Variants in TOP2B observed in about 807,000 individuals in gnomAD.
The protein encoded by TOP2B is DNA topoisomerase 2-beta.
TOP2B carries 51 observed loss-of-function variants against 193.5 expected under a neutral mutation model. That is an observed-to-expected ratio of 0.26 (90% CI 0.21 to 0.33). TOP2B has a LOEUF of 0.33. Among genes scored for constraint, TOP2B ranks in the 10% least tolerant of loss-of-function variants. The pLI, the probability that TOP2B is intolerant of heterozygous loss-of-function variation, is 1.00. For synonymous variants in TOP2B, 634 were observed against 635.7 expected (o/e 1.00, Z 0.04); for missense variants, 1,378 against 1,909.3 (o/e 0.72, Z 5.19).
At chr3:25,622,584 G>A (rs1402849621) in intron 21 of TOP2B, among the ~76,000 whole-genome samples, 1 of 150,842 alleles carries the variant, frequency 6.6e-6, no homozygotes, top group African/African-American at 2.4e-5. Context: ...TCTTGGAGGA[G>A]GTCTGAGCAG....
chr3:25,611,164 T>C (rs780870157), intron 28 of TOP2B, among the ~76,000 whole-genome samples: 5 of 152,106 alleles, frequency 3.3e-5, no homozygotes, highest in Admixed American at 6.5e-5. Context: ...TCAGTATGAA[T>C]GGAATAAGCT....
chr3:25,620,327 G>T (rs553641577), intron 22 of TOP2B, among the ~76,000 whole-genome samples: 255 of 151,800 alleles, frequency 1.7e-3, no homozygotes, highest in African/African-American at 5.8e-3. Context: ...ACATCAACTG[G>T]AACTGTCAAG....
intron 13 of TOP2B, among the ~76,000 whole-genome samples, 197 bp from the exon 14 acceptor site, chr3:25,629,342 G>A (rs1702893601): frequency 6.6e-6 from 1 of 151,978 alleles, no homozygotes; most frequent in Non-Finnish European, 1.5e-5. Context: ...GACTGAATCT[G>A]TCATTATAAA....
rs1057104831 is a variant in TOP2B, at chr3:25,632,803, A to G, written c.1027-9T>C. On this transcript the variant is annotated splice_polypyrimidine_tract_variant and intron_variant, in intron 8 of 35. Coordinates refer to ENST00000264331, the MANE Select transcript of TOP2B (RefSeq NM_001330700.2). ...TCCACGTGCCGTCCACCCTAAAGAA[A>G]AAAAAATATATGAAATCTGAAATCC... 6.2e-7 allele frequency: 1 copy of G among 1,604,404 alleles called. No homozygotes were observed. Among genetic ancestry groups the G allele is most frequent in the Non-Finnish European group, 8.5e-7 (1 of 1,173,576 alleles).
At chr3:25,645,926 A>ATTTTTT (rs756446533) in intron 1 of TOP2B, among the ~76,000 whole-genome samples, 3 of 140,502 alleles carry the variant, frequency 2.1e-5, no homozygotes, top group Non-Finnish European at 1.5e-5. Context: ...TGCCCAGGTA[A>ATTTTTT]TTTTTTTTTT....
At chr3:25,604,078 G>A (rs532044227) in intron 33 of TOP2B, among the ~76,000 whole-genome samples, 30 of 152,286 alleles carry the variant, frequency 2.0e-4, no homozygotes, top group Middle Eastern at 6.8e-3. Flanking sequence ...CAAAATTGTT[G>A]TTCTGCTACA....
At chr3:25,646,340 T>C (rs1284262528) in intron 1 of TOP2B, among the ~76,000 whole-genome samples, 1 of 152,198 alleles carries the variant, frequency 6.6e-6, no homozygotes, top group Non-Finnish European at 1.5e-5. Flanking sequence ...CAATAATTCC[T>C]CACATATCAG....
intron 25 of TOP2B, among the ~76,000 whole-genome samples, chr3:25,617,548 T>C (rs942045547): frequency 2.6e-5 from 4 of 152,200 alleles, no homozygotes; most frequent in Admixed American, 1.3e-4. Flanking sequence ...AAAAACATTA[T>C]GATTGAGAAC....
Position 25,618,328 on chromosome 3 carries a change from C to A in TOP2B, c.3351+90G>T, listed in dbSNP as rs1160780178. 6 of 899,842 alleles carry A rather than the reference C, an allele frequency of 6.7e-6. No individual in the cohort carries two copies. In the African/African-American group the frequency reaches 6.7e-5, roughly 10 times the overall value. The allele number at this position is 899,842 out of a possible 1,614,324, so 55.7% of individuals were successfully genotyped here. A position where few individuals can be genotyped will look rare whatever the true frequency, so the allele number is the denominator to read the frequency against. On this transcript the variant is annotated intron_variant, in intron 25 of 35. Transcript: ENST00000264331. The stretch of plus-strand genomic sequence containing the variant: ...AGACAACTCAGCACCTTTAGTAGTA[C>A]TAAATTTAAAATTTAGGGGTTGAAT...
intron 1 of TOP2B, among the ~76,000 whole-genome samples, chr3:25,659,483 C>T (rs540342683): frequency 4.7e-4 from 72 of 152,142 alleles, no homozygotes; most frequent in Non-Finnish European, 9.6e-4. Context: ...CCAAGCACTA[C>T]GATAATCTTA....
intron 28 of TOP2B, 99 bp downstream of exon 28, chr3:25,612,415 AT>A: frequency 1.1e-6 from 1 of 883,102 alleles, no homozygotes; most frequent in Non-Finnish European, 1.6e-6. Context: ...TATATTTTGA[AT>A]AAAACAAAGC....
intron 35 of TOP2B, among the ~76,000 whole-genome samples, chr3:25,598,928 G>T (rs116406083): frequency 0.013 from 2,023 of 152,182 alleles, 49 homozygotes; most frequent in African/African-American, 0.044. Context: ...CATAGAAGAT[G>T]ACTGAATGGA....
chr3:25,650,968 T>C (rs1575586591), intron 1 of TOP2B, among the ~76,000 whole-genome samples: 1 of 152,248 alleles, frequency 6.6e-6, no homozygotes, highest in Non-Finnish European at 1.5e-5. Flanking sequence ...TTCCAAATGA[T>C]GTCTTATCCT....
rs760423678 is a variant in TOP2B at position 25,627,219 on chromosome 3, C to T, written c.1984G>A (p.Ala662Thr). ...ATGGCAGCATCATCTTCAGGACCAG[C>T]ATATCTAAACAAGATGCGATGCCTT... ...MERHRILFRY[A>T]GPEDDAAITL... The change falls in exon 16 of 36, where the codon GCT (alanine) becomes ACT (threonine). Residue 662 changes from alanine to threonine, a missense_variant. Physicochemically the swap from Ala to Thr is moderately conservative, Grantham distance 58. This residue lies in a region of TOP2B where 379 missense variants were observed against 615.1 expected (regional missense o/e 0.62). Transcript: ENST00000264331. The T allele has an allele frequency of 1.9e-6, 3 of 1,608,598 alleles. No homozygotes were observed. Among genetic ancestry groups the T allele is most frequent in the African/African-American group, 2.7e-5 (2 of 74,614 alleles).
At chr3:25,618,390 C>T in intron 25 of TOP2B, 28 bp downstream of exon 25, 1 of 1,562,724 alleles carries the variant, frequency 6.4e-7, no homozygotes, top group Non-Finnish European at 8.8e-7. Context: ...AAAAGCTTCT[C>T]TGAATGTCTT....
rs1427326210 is a variant in TOP2B at position 25,650,695 on chromosome 3, A to C, written c.70-5225T>G. On this transcript the variant is annotated intron_variant, in intron 1 of 35. Transcript: ENST00000264331. ...CTGCTATTAATCATTGGTCCTCTTAAATAAGGGCATGAACATGATTAATCT... is the reference window on the plus strand; with the variant it reads ...CTGCTATTAATCATTGGTCCTCTTACATAAGGGCATGAACATGATTAATCT... Among the ~76,000 whole-genome samples, 4 of 152,208 alleles carry C rather than the reference A, an allele frequency of 2.6e-5. No homozygotes were observed. The East Asian group carries it at 7.7e-4, about 29-fold the overall frequency.
At chr3:25,659,326 A>G (rs184645281) in intron 1 of TOP2B, among the ~76,000 whole-genome samples, 115 of 152,340 alleles carry the variant, frequency 7.5e-4, no homozygotes, top group Middle Eastern at 3.4e-3. Context: ...CAAGGAAGAG[A>G]TAAGAGATAC....
In TOP2B at chr3:25,604,755, C is replaced by T. The variant is rs758347808; in HGVS notation, c.4489+5G>A. 1.9e-6 allele frequency: 3 copies of T among 1,598,038 alleles called. No homozygotes were observed. Among genetic ancestry groups the T allele is most frequent in the Non-Finnish European group, 2.6e-6 (3 of 1,166,216 alleles). ...TGCTTAACTCAATCAAATATAAGTA[C>T]ATACCCTTTTTAGCAGCTACCGTTT... On this transcript the variant is annotated splice_donor_5th_base_variant and intron_variant, in intron 33 of 35. Transcript: ENST00000264331.
At chr3:25,611,968 G>A (rs1388959793) in intron 28 of TOP2B, among the ~76,000 whole-genome samples, 2 of 151,410 alleles carry the variant, frequency 1.3e-5, no homozygotes, top group Non-Finnish European at 2.9e-5. Flanking sequence ...TTGAGATGGA[G>A]TCTCACTCTT....
Sources: allele counts gnomAD v4.1 joint callset (sites outside exome capture counted in the v4.1 genomes callset), GRCh38; gene constraint gnomAD v4.1.1; regional missense constraint gnomAD v4.1.1; transcripts MANE v1.5; gene names NCBI Gene and HGNC (gene_info 2026-07-23, HGNC 2026-07-21).